The following DPP10 variants were observed in gnomAD, a reference collection of about 807,000 sequenced individuals.
The protein encoded by DPP10 is dipeptidyl peptidase like 10, also known as inactive dipeptidyl peptidase 10.
Under a neutral mutation model 120.9 loss-of-function variants are expected in DPP10, and 33 were observed. The ratio of observed to expected loss-of-function variants is 0.27; its 90% CI spans 0.21 to 0.37. The LOEUF is 0.37. Ranked by LOEUF, DPP10 falls within the 10% of genes least tolerant of loss-of-function variation. The pLI, the probability that DPP10 is intolerant of heterozygous loss-of-function variation, is 1.00. For missense variants in DPP10, 816 were observed against 942.8 expected (o/e 0.87, Z 1.76); for synonymous variants, 337 against 326.1 (o/e 1.03, Z -0.36).
chr2:115,342,676 G>C (rs2063509262), intron 2 of DPP10, among the ~76,000 whole-genome samples: 1 of 152,106 alleles, frequency 6.6e-6, no homozygotes, highest in Non-Finnish European at 1.5e-5. Context: ...CAGACTGCCA[G>C]GCAAATGATC....
intron 1 of DPP10, among the ~76,000 whole-genome samples, chr2:114,830,479 T>C (rs1686999239): frequency 6.6e-6 from 1 of 152,188 alleles, no homozygotes; most frequent in Non-Finnish European, 1.5e-5. Context: ...TACTCACTTA[T>C]TGTAAAAACG....
rs188786894 is a variant in DPP10, at chr2:115,303,977, T to C, written c.61-5262T>C. Among the ~76,000 whole-genome samples, 8 of 152,160 alleles carry C rather than the reference T, an allele frequency of 5.3e-5. No homozygotes were observed. In the East Asian group the frequency reaches 1.5e-3, roughly 29 times the overall value. On this transcript the variant is annotated intron_variant, in intron 1 of 25. Coordinates refer to ENST00000410059, the MANE Select transcript of DPP10 (RefSeq NM_020868.6). ...GTTTTAACTCTTAAATGCTGTTTCT[T>C]TAATATCATGAGACAATATAGAAAC...
At chr2:114,746,170 CCT>C (rs534854914) in intron 1 of DPP10, among the ~76,000 whole-genome samples, 360 of 152,230 alleles carry the variant, frequency 2.4e-3, no homozygotes, top group African/African-American at 8.3e-3. Flanking sequence ...TTTCCTAGTC[CCT>C]GTTTCCTTTT....
At chr2:114,929,029 A>G (rs1020471383) in intron 1 of DPP10, among the ~76,000 whole-genome samples, 3 of 152,170 alleles carry the variant, frequency 2.0e-5, no homozygotes, top group African/African-American at 7.2e-5. Context: ...CAAAAGAGAG[A>G]AATTTTACAG....
At chr2:115,060,929 C>A (rs1423435022) in intron 1 of DPP10, among the ~76,000 whole-genome samples, 3 of 152,172 alleles carry the variant, frequency 2.0e-5, no homozygotes, top group African/African-American at 4.8e-5. Context: ...AGTATATTCA[C>A]AATCATACAT....
chr2:115,312,634 A>G (rs2061629166), intron 2 of DPP10, among the ~76,000 whole-genome samples: 1 of 152,176 alleles, frequency 6.6e-6, no homozygotes, highest in African/African-American at 2.4e-5. Context: ...CTCCAACTGC[A>G]CCAAGCCTTT....
chr2:114,536,322 A>G (rs1032761988), intron 1 of DPP10, among the ~76,000 whole-genome samples: 3 of 151,746 alleles, frequency 2.0e-5, no homozygotes, highest in Admixed American at 2.0e-4. Context: ...AGCCATTTAG[A>G]TTTAAAATTC....
intron 3 of DPP10, among the ~76,000 whole-genome samples, chr2:115,361,731 C>G (rs1182018125): frequency 1.3e-5 from 2 of 152,006 alleles, no homozygotes; most frequent in African/African-American, 4.8e-5. Flanking sequence ...GGGCTGAGAG[C>G]CAGTTCTGGT....
chr2:115,100,288 C>G (rs1573613297), intron 1 of DPP10, among the ~76,000 whole-genome samples: 1 of 151,986 alleles, frequency 6.6e-6, no homozygotes, highest in African/African-American at 2.4e-5. Flanking sequence ...TCTATAAACA[C>G]CCTTAAAGAA....
intron 1 of DPP10, among the ~76,000 whole-genome samples, chr2:114,823,777 T>C (rs983959427): frequency 6.6e-6 from 1 of 152,164 alleles, no homozygotes; most frequent in Non-Finnish European, 1.5e-5. Context: ...CTTCCAAAAA[T>C]GGTATGCTAT....
intron 21 of DPP10, among the ~76,000 whole-genome samples, chr2:115,826,055 A>T (rs1688279319): frequency 6.6e-6 from 1 of 152,228 alleles, no homozygotes; most frequent in Non-Finnish European, 1.5e-5. Context: ...TGTTGTCAGA[A>T]TTAAAGCAGA....
At chr2:114,530,975 A>T (rs1290785481) in intron 1 of DPP10, among the ~76,000 whole-genome samples, 1 of 152,126 alleles carries the variant, frequency 6.6e-6, no homozygotes, top group African/African-American at 2.4e-5. Context: ...AAAAAAAAAC[A>T]TGACTTAATT....
intron 7 of DPP10, 148 bp from the exon 8 acceptor site, chr2:115,727,668 G>A (rs1359227690): frequency 3.2e-5 from 25 of 781,384 alleles, no homozygotes; most frequent in Non-Finnish European, 4.5e-5. Context: ...ATAATTGAAA[G>A]CAATAAAAAC....
At chr2:115,003,426 C>T (rs1465352288) in intron 1 of DPP10, among the ~76,000 whole-genome samples, 2 of 151,908 alleles carry the variant, frequency 1.3e-5, no homozygotes, top group Non-Finnish European at 1.5e-5. Context: ...ATGCTCATTA[C>T]ATGGATGATG....
intron 5 of DPP10, among the ~76,000 whole-genome samples, chr2:115,629,946 T>C (rs777926055): frequency 6.6e-6 from 1 of 152,160 alleles, no homozygotes; most frequent in Non-Finnish European, 1.5e-5. Flanking sequence ...AGAATGCCAA[T>C]GGTAGTTTAA....
intron 1 of DPP10, among the ~76,000 whole-genome samples, chr2:114,550,482 A>T (rs1222017083): frequency 2.6e-5 from 4 of 152,190 alleles, no homozygotes; most frequent in Non-Finnish European, 5.9e-5. Context: ...CAGGGCTGGG[A>T]CTTCGACCAG....
At chr2:115,485,296 A>G (rs1420174719) in intron 3 of DPP10, among the ~76,000 whole-genome samples, 2 of 149,480 alleles carry the variant, frequency 1.3e-5, no homozygotes, top group African/African-American at 5.0e-5. Context: ...TTGAGAAGTT[A>G]TTTTATCCAA....
At chr2:115,758,274 A>C (rs759791793) in intron 11 of DPP10, among the ~76,000 whole-genome samples, 1 of 152,118 alleles carries the variant, frequency 6.6e-6, no homozygotes. Context: ...ACTTGTTTCA[A>C]AATAAAGAAT....
rs1482091588 is a variant in DPP10, at chr2:115,112,584, CAGCA to C, written c.61-196654_61-196651del. Among the ~76,000 whole-genome samples the C allele has an allele frequency of 2.0e-5, 3 of 152,268 alleles. No homozygotes were observed. The East Asian group carries it at 5.8e-4, about 29-fold the overall frequency. On this transcript the variant is annotated intron_variant, in intron 1 of 25. Transcript: ENST00000410059. Reference sequence around the variant, plus strand: ...TAAGAATATCTAAAATCCATCCTCTCAGCAGTTTTCAAAAATATAATACATTGTT... The same window carrying C: ...TAAGAATATCTAAAATCCATCCTCTCGTTTTCAAAAATATAATACATTGTT...
Sources: allele counts gnomAD v4.1 joint callset (sites outside exome capture counted in the v4.1 genomes callset), GRCh38; gene constraint gnomAD v4.1.1; transcripts MANE v1.5; gene names NCBI Gene and HGNC (gene_info 2026-07-23, HGNC 2026-07-21).